Variants in RERE observed in about 807,000 individuals in gnomAD.
The protein encoded by RERE is arginine-glutamic acid dipeptide repeats.
Under a neutral mutation model 146.1 loss-of-function variants are expected in RERE, and 40 were observed. The ratio of observed to expected loss-of-function variants is 0.27; its 90% CI spans 0.21 to 0.36. The LOEUF (loss-of-function observed/expected upper bound fraction) is 0.36. RERE is among the 10% of genes least tolerant of loss of function. RERE has a pLI of 1.00. For missense variants in RERE, 1,933 were observed against 2,138.7 expected (o/e 0.90, Z 1.90); for synonymous variants, 1,003 against 866.0 (o/e 1.16, Z -2.78).
chr1:8,747,231 G>C (rs936586573), intron 1 of RERE, among the ~76,000 whole-genome samples: 1 of 152,062 alleles, frequency 6.6e-6, no homozygotes, highest in Non-Finnish European at 1.5e-5. Context: ...TCGATCTCCT[G>C]ACCTCGTGAT....
chr1:8,607,353 C>T (rs1212030120), intron 4 of RERE, among the ~76,000 whole-genome samples: 2 of 147,282 alleles, frequency 1.4e-5, no homozygotes, highest in Non-Finnish European at 3.0e-5. Context: ...CAGGGAGATA[C>T]CCTGTCTCCA....
intron 10 of RERE, among the ~76,000 whole-genome samples, chr1:8,482,681 C>CAAAAAAAAAAAAAAAAAAA (rs35501735): frequency 2.0e-5 from 1 of 51,212 alleles, no homozygotes; most frequent in African/African-American, 5.1e-5. Flanking sequence ...GATTCTGTTG[C>CAAAAAAAAAAAAAAAAAAA]AAAAAAAAAA....
At chr1:8,557,222 C>T (rs998532617) in intron 5 of RERE, among the ~76,000 whole-genome samples, 196 bp downstream of exon 5, 1 of 152,194 alleles carries the variant, frequency 6.6e-6, no homozygotes, top group African/African-American at 2.4e-5. Flanking sequence ...ACCTCAGTTT[C>T]CTCATCTGGA....
chr1:8,656,252 C>A lies in RERE; in HGVS notation c.46G>T (p.Asp16Tyr). The A allele has an allele frequency of 6.2e-7, 1 of 1,613,496 alleles. No homozygotes were observed. Among genetic ancestry groups the A allele is most frequent in the Non-Finnish European group, 8.5e-7 (1 of 1,179,556 alleles). ...TCTCTCTCTCGGTCCCGGTCTCGGT[C>A]CCGGTCCTTCTCTTTGTCTTTGTCT... is the stretch of plus-strand genomic sequence containing the variant. ...DKDKDKEKDRDRDRDREREKR... is the reference protein window; with the variant it reads ...DKDKDKEKDRYRDRDREREKR... The change falls in exon 2 of 23, where the codon GAC becomes TAC. Residue 16 changes from aspartate to tyrosine, a missense_variant. Transcript: ENST00000400908.
chr1:8,608,215 T>A (rs922340571), intron 4 of RERE, among the ~76,000 whole-genome samples: 14 of 152,098 alleles, frequency 9.2e-5, no homozygotes, highest in Admixed American at 6.6e-5. Flanking sequence ...AATCAACTAG[T>A]ACGGAACAAG....
chr1:8,529,377 G>A (rs1460309053), intron 7 of RERE, among the ~76,000 whole-genome samples: 1 of 144,994 alleles, frequency 6.9e-6, no homozygotes, highest in African/African-American at 2.5e-5. Flanking sequence ...GCAAGCTCCG[G>A]GTCCTAGGTT....
At chr1:8,404,916 A>G (rs772083868) in intron 12 of RERE, among the ~76,000 whole-genome samples, 46 of 152,146 alleles carry the variant, frequency 3.0e-4, no homozygotes, top group Non-Finnish European at 1.3e-4. Flanking sequence ...ACAGTCACCA[A>G]AATATTGCCA....
At chr1:8,362,648 A>G in intron 16 of RERE, 35 bp downstream of exon 16, 4 of 1,613,572 alleles carry the variant, frequency 2.5e-6, no homozygotes, top group Non-Finnish European at 3.4e-6. Context: ...TGAGGGAGGG[A>G]CAGAGTAGGC....
intron 1 of RERE, chr1:8,703,168 G>C (rs1368156964): frequency 1.3e-5 from 2 of 152,034 alleles, no homozygotes; most frequent in African/African-American, 2.4e-5. Context: ...GGCAGGTGGG[G>C]GCCCGGGGAG....
At chr1:8,484,130 C>T (rs112580421) in intron 10 of RERE, among the ~76,000 whole-genome samples, 1,611 of 152,276 alleles carry the variant, frequency 0.011, 11 homozygotes, top group Non-Finnish European at 0.014. Context: ...AATGATGGGG[C>T]TTTTCTGCAG....
chr1:8,750,851 T>C, intron 1 of RERE: 1 of 823,754 alleles, frequency 1.2e-6, no homozygotes, highest in Non-Finnish European at 2.1e-6. Flanking sequence ...ATATATTACA[T>C]GGGGGAACCC....
At chr1:8,476,118 G>A (rs2124164871) in intron 10 of RERE, among the ~76,000 whole-genome samples, 1 of 152,310 alleles carries the variant, frequency 6.6e-6, no homozygotes, top group African/African-American at 2.4e-5. Context: ...TGGAAGAAAG[G>A]AGGGGGTCGC....
At chr1:8,680,782 T>A (rs1638947087) in intron 1 of RERE, among the ~76,000 whole-genome samples, 1 of 152,078 alleles carries the variant, frequency 6.6e-6, no homozygotes, top group Admixed American at 6.5e-5. Flanking sequence ...CCTTACCAAT[T>A]TAGAAGCTAC....
Position 8,359,855 on chromosome 1 carries a change from T to G in RERE, c.3527A>C (p.Gln1176Pro). 6.2e-7 allele frequency: 1 copy of G among 1,611,902 alleles called. No homozygotes were observed. The highest frequency in any genetic ancestry group is 8.5e-7 in the Non-Finnish European group (1 of 1,180,000). The part of the protein sequence containing the change: ...AIEKAKREAE[Q>P]KAREEREREK... ...CCGCTCTCGCTCCTCTCGGGCTTTC[T>G]GCTCAGCCTCGCGCTTGGCCTTCTC... Residue 1176 changes from glutamine (Q) to proline (P), a missense_variant, in exon 19 of 23, where the codon CAG (glutamine) becomes CCG (proline). Gln to Pro is a moderately conservative substitution (Grantham distance 76). This residue lies in a region of RERE where 1,255 missense variants were observed against 1,153.8 expected (regional missense o/e 1.09). Coordinates refer to ENST00000400908, the MANE Select transcript of RERE (RefSeq NM_001042681.2).
At chr1:8,559,364 G>C (rs1450045170) in intron 4 of RERE, among the ~76,000 whole-genome samples, 1 of 144,202 alleles carries the variant, frequency 6.9e-6, no homozygotes, top group Non-Finnish European at 1.5e-5. Context: ...TTCTTTTTTT[G>C]CATTTAACTG....
intron 4 of RERE, among the ~76,000 whole-genome samples, chr1:8,603,038 G>A (rs904933603): frequency 6.6e-6 from 1 of 152,200 alleles, no homozygotes; most frequent in African/African-American, 2.4e-5. Context: ...GGCTGACAGT[G>A]CCTCTCAGGC....
At chr1:8,667,614 T>C (rs1045710280) in intron 1 of RERE, among the ~76,000 whole-genome samples, 4 of 152,204 alleles carry the variant, frequency 2.6e-5, no homozygotes, top group Admixed American at 6.5e-5. Context: ...GAGGCAGAGG[T>C]TGCAGTGAGC....
intron 8 of RERE, among the ~76,000 whole-genome samples, chr1:8,499,572 T>G (rs1199609707): frequency 6.6e-6 from 1 of 152,192 alleles, no homozygotes; most frequent in Non-Finnish European, 1.5e-5. Context: ...AAGTTTGTGG[T>G]TTTAAATGTT....
chr1:8,417,696 C>T (rs1184971907), intron 12 of RERE, among the ~76,000 whole-genome samples: 1 of 152,112 alleles, frequency 6.6e-6, no homozygotes, highest in Non-Finnish European at 1.5e-5. Flanking sequence ...TTCTTAAAAG[C>T]CTTAAATGGG....
Sources: gnomAD v4.1 joint callset for allele counts (sites outside exome capture counted in the v4.1 genomes callset) on GRCh38, gnomAD v4.1.1 for gene constraint, gnomAD v4.1.1 regional missense constraint, MANE v1.5 for transcripts, NCBI Gene and HGNC (gene_info 2026-07-23, HGNC 2026-07-21) for gene names.